PLCG2: variants seen among roughly 807,000 people sequenced by gnomAD.
The protein encoded by PLCG2 is phospholipase C gamma 2, also known as 1-phosphatidylinositol 4,5-bisphosphate phosphodiesterase gamma-2.
Under a neutral mutation model 175.6 loss-of-function variants are expected in PLCG2, and 69 were observed. The observed-to-expected ratio is 0.39, with a 90% CI of 0.32 to 0.48. The LOEUF (loss-of-function observed/expected upper bound fraction) is 0.48, where lower values mean the gene tolerates loss of function less well. Among genes scored for constraint, PLCG2 ranks in the 20% least tolerant of loss-of-function variants. The pLI, the probability that PLCG2 is intolerant of heterozygous loss-of-function variation, is 0.91. For missense variants in PLCG2, 1,798 were observed against 1,650.9 expected, an observed-to-expected ratio of 1.09 and a Z score of -1.54; for synonymous variants, 827 against 624.0, an observed-to-expected ratio of 1.33 and a Z score of -4.85.
At chr16:81,765,604 C>T (rs868080354) in intron 2 of PLCG2, among the ~76,000 whole-genome samples, 1 of 152,336 alleles carries the variant, frequency 6.6e-6, no homozygotes, top group Middle Eastern at 3.4e-3. Context: ...GCCCTCCAGC[C>T]TGGATGACAG....
At chr16:81,779,795 C>T (rs1910648132) in intron 1 of PLCG2, among the ~76,000 whole-genome samples, 1 of 152,174 alleles carries the variant, frequency 6.6e-6, no homozygotes, top group Non-Finnish European at 1.5e-5. Flanking sequence ...TCTTGACGGC[C>T]CTTGTGCCCA....
chr16:81,845,605 G>A (rs950193339), intron 2 of PLCG2, among the ~76,000 whole-genome samples: 3 of 152,226 alleles, frequency 2.0e-5, no homozygotes, highest in Admixed American at 6.5e-5. Context: ...TGAATTTGCA[G>A]CCCCTGCACT....
chr16:81,876,841 C>T (rs1179239607), intron 7 of PLCG2, among the ~76,000 whole-genome samples: 1 of 152,210 alleles, frequency 6.6e-6, no homozygotes, highest in Non-Finnish European at 1.5e-5. Flanking sequence ...TTAACTGCTG[C>T]CTCCACGGTG....
In PLCG2 at chr16:81,795,647, G is replaced by C. The variant is rs184217795; in HGVS notation, c.193+9465G>C. Among the ~76,000 whole-genome samples the C allele has an allele frequency of 2.6e-5, 4 of 152,206 alleles. No homozygotes were observed. In the East Asian group the frequency reaches 5.8e-4, roughly 22 times the overall value. On this transcript the variant is annotated intron_variant, in intron 2 of 32. Coordinates refer to ENST00000564138, the MANE Select transcript of PLCG2 (RefSeq NM_002661.5). ...GAGCAGAGGATGGCTCAGGAGGTTG[G>C]AGGTTTCTATGGGCCATACCTGAAG...
intron 7 of PLCG2, among the ~76,000 whole-genome samples, chr16:81,878,361 T>G (rs955726085): frequency 2.0e-5 from 3 of 152,288 alleles, no homozygotes; most frequent in South Asian, 4.1e-4. Context: ...TTAACTTGAT[T>G]GCACCTTGCA....
intron 29 of PLCG2, 123 bp downstream of exon 29, chr16:81,939,038 C>T: frequency 1.5e-6 from 1 of 647,464 alleles, no homozygotes; most frequent in Non-Finnish European, 2.8e-6. Context: ...TTTCCTCCCT[C>T]TTGCCCACAT....
chr16:81,842,724 A>T (rs1296676969), intron 2 of PLCG2: 1 of 152,238 alleles, frequency 6.6e-6, no homozygotes, highest in Non-Finnish European at 1.5e-5. Flanking sequence ...ACAGAGAATC[A>T]GTAGCGGGAG....
intron 9 of PLCG2, among the ~76,000 whole-genome samples, chr16:81,884,177 C>T (rs897417605): frequency 8.0e-4 from 121 of 152,134 alleles, no homozygotes; most frequent in Non-Finnish European, 1.3e-3. Context: ...ATGGTGAAAC[C>T]CCATCTCTAC....
chr16:81,944,201 A>G (rs1268084792), intron 30 of PLCG2, among the ~76,000 whole-genome samples: 1 of 152,238 alleles, frequency 6.6e-6, no homozygotes, highest in Admixed American at 6.5e-5. Flanking sequence ...AATTGTATAC[A>G]TAAATAAGAT....
intron 1 of PLCG2, among the ~76,000 whole-genome samples, chr16:81,741,805 C>CAAA (rs541364004): frequency 3.4e-5 from 5 of 148,204 alleles, no homozygotes; most frequent in African/African-American, 1.2e-4. Flanking sequence ...GAGACTGTCT[C>CAAA]AAAAAAAAAA....
At chr16:81,780,134 G>A (rs547563493) in intron 1 of PLCG2, among the ~76,000 whole-genome samples, 158 of 152,234 alleles carry the variant, frequency 1.0e-3, no homozygotes, top group African/African-American at 3.5e-3. Flanking sequence ...CTTGAACTAG[G>A]GTGAGAAACT....
At chr16:81,749,887 C>G (rs926542158) in intron 1 of PLCG2, among the ~76,000 whole-genome samples, 3 of 152,142 alleles carry the variant, frequency 2.0e-5, no homozygotes, top group African/African-American at 7.2e-5. Context: ...AGATGTCCCT[C>G]AATGGACAGC....
intron 31 of PLCG2, among the ~76,000 whole-genome samples, chr16:81,954,474 A>G (rs1034751645): frequency 1.3e-5 from 2 of 152,146 alleles, no homozygotes; most frequent in Admixed American, 6.6e-5. Context: ...CCTGTCATCT[A>G]GGTTTTAAGT....
At chr16:81,776,275 A>T (rs1318413227), upstream of PLCG2, among the ~76,000 whole-genome samples, 1 of 150,318 alleles carries the variant, frequency 6.7e-6, no homozygotes, top group Non-Finnish European at 1.5e-5. Flanking sequence ...GGCCAGGCTA[A>T]TGTTTTTGTA....
chr16:81,829,551 G>C (rs1816712187), intron 2 of PLCG2, among the ~76,000 whole-genome samples: 1 of 152,170 alleles, frequency 6.6e-6, no homozygotes, highest in African/African-American at 2.4e-5. Flanking sequence ...TGATACCTTT[G>C]CCAAAAGTGA....
intron 7 of PLCG2, among the ~76,000 whole-genome samples, chr16:81,877,481 A>G (rs1220030443): frequency 2.6e-5 from 4 of 152,172 alleles, no homozygotes; most frequent in Non-Finnish European, 4.4e-5. Flanking sequence ...AAAACACAGA[A>G]GTTTATTCCC....
chr16:81,874,673 C>T (rs931956516), intron 7 of PLCG2, among the ~76,000 whole-genome samples: 21 of 152,184 alleles, frequency 1.4e-4, no homozygotes, highest in African/African-American at 4.8e-4. Context: ...AGAACTAAAT[C>T]CAGGGAGTGG....
At chr16:81,771,853 C>T (rs137873015) in intron 2 of PLCG2, among the ~76,000 whole-genome samples, 29 of 152,178 alleles carry the variant, frequency 1.9e-4, no homozygotes, top group Non-Finnish European at 3.7e-4. Context: ...GCAGGATCTC[C>T]GCTCACTGCA....
At chr16:81,937,622 T>G in intron 27 of PLCG2, 136 bp from the exon 28 acceptor site, 15 of 649,546 alleles carry the variant, frequency 2.3e-5, no homozygotes, top group Non-Finnish European at 3.8e-5. Flanking sequence ...TTTCTTTGAG[T>G]GAGATACCTA....
Sources: allele counts gnomAD v4.1 joint callset (sites outside exome capture counted in the v4.1 genomes callset), GRCh38; gene constraint gnomAD v4.1.1; transcripts MANE v1.5; gene names NCBI Gene and HGNC (gene_info 2026-07-23, HGNC 2026-07-21).